The following CFAP77 variants were observed in gnomAD, a reference collection of about 807,000 sequenced individuals.
CFAP77 encodes the protein cilia- and flagella-associated protein 77.
CFAP77 carries 25 observed loss-of-function variants against 31.1 expected under a neutral mutation model. The ratio of observed to expected loss-of-function variants is 0.80; its 90% CI spans 0.59 to 1.12. The LOEUF (loss-of-function observed/expected upper bound fraction) is 1.12. CFAP77 is among the 50% of genes most tolerant of loss of function. The probability of loss-of-function intolerance (pLI) is 0.00; values close to 1 mark genes in which losing one functional copy is unlikely to be tolerated. For missense variants in CFAP77, 377 were observed against 397.3 expected, an observed-to-expected ratio of 0.95 and a Z score of 0.44; for synonymous variants, 151 against 159.9, an observed-to-expected ratio of 0.94 and a Z score of 0.42.
At chr9:132,461,152 G>A (rs1213380370) in intron 1 of CFAP77, among the ~76,000 whole-genome samples, 6 of 152,216 alleles carry the variant, frequency 3.9e-5, no homozygotes, top group Admixed American at 3.9e-4. Flanking sequence ...AGTGCTGAAT[G>A]AAGGTTGGCT....
intron 1 of CFAP77, among the ~76,000 whole-genome samples, chr9:132,468,101 G>A (rs760761877): frequency 3.0e-4 from 45 of 152,062 alleles, no homozygotes; most frequent in Middle Eastern, 3.2e-3. Context: ...TCAGCACTTT[G>A]GGAGGCCGAG....
rs1439436030 is a variant in CFAP77 at position 132,495,268 on chromosome 9, G to A, written c.196-3427G>A. ...AACCACACTAAAAAGCAGAGATTGAGGCACACACCTGCTCCTTGCTCCCTG... is the reference window on the plus strand; with the variant it reads ...AACCACACTAAAAAGCAGAGATTGAAGCACACACCTGCTCCTTGCTCCCTG... On this transcript the variant is annotated intron_variant, in intron 1 of 5. Transcript: ENST00000393216. This position sits in a 1 kb window ranked among gnomAD's most constrained non-coding sequence, Gnocchi z 4.2. 6.6e-6 allele frequency among the ~76,000 whole-genome samples: 1 copy of A among 152,112 alleles called. No individual in the cohort carries two copies. Among genetic ancestry groups the A allele is most frequent in the Non-Finnish European group, 1.5e-5 (1 of 68,020 alleles).
intron 1 of CFAP77, among the ~76,000 whole-genome samples, chr9:132,446,260 A>G (rs1033171984): frequency 6.6e-6 from 1 of 152,154 alleles, no homozygotes; most frequent in Non-Finnish European, 1.5e-5. Context: ...CGGTCGTGCC[A>G]GAGAGCAGGG....
rs537338263 is a variant in CFAP77 at position 132,442,118 on chromosome 9, C to T, written c.195+31652C>T. On this transcript the variant is annotated intron_variant, in intron 1 of 5. Coordinates refer to ENST00000393216, the MANE Select transcript of CFAP77 (RefSeq NM_001282957.2). ...CAGGCGGTAAGACAGACATAGCCCC[C>T]GCCCTCCCTTGGGAGTTTCCAAGAC... Among the ~76,000 whole-genome samples the T allele has an allele frequency of 1.5e-3, 223 of 152,246 alleles. 1 individual carries two copies. The highest frequency in any genetic ancestry group is 6.8e-3 in the Middle Eastern group (2 of 294).
At chr9:132,431,014 T>C (rs1850401855) in intron 1 of CFAP77, among the ~76,000 whole-genome samples, 1 of 152,154 alleles carries the variant, frequency 6.6e-6, no homozygotes, top group Non-Finnish European at 1.5e-5. Flanking sequence ...CAACCTGTGG[T>C]TGAAGAACCA....
At chr9:132,491,340 G>A (rs980384955) in intron 1 of CFAP77, among the ~76,000 whole-genome samples, 2 of 152,120 alleles carry the variant, frequency 1.3e-5, no homozygotes, top group Admixed American at 6.5e-5. Flanking sequence ...GGTGGTGCAC[G>A]CCTGTATTCC....
At chr9:132,532,045 T>G (rs1425328650) in intron 3 of CFAP77, among the ~76,000 whole-genome samples, 1 of 152,208 alleles carries the variant, frequency 6.6e-6, no homozygotes, top group African/African-American at 2.4e-5. Flanking sequence ...TAAATTAGGC[T>G]GCTCAGAAGC....
chr9:132,463,774 G>A (rs1315936922), intron 1 of CFAP77, among the ~76,000 whole-genome samples: 5 of 152,164 alleles, frequency 3.3e-5, no homozygotes, highest in African/African-American at 4.8e-5. Flanking sequence ...TGGAGGCAAC[G>A]GGGAGTCCAG....
At chr9:132,566,591 T>C (rs1291075504) in intron 5 of CFAP77, among the ~76,000 whole-genome samples, 1 of 151,682 alleles carries the variant, frequency 6.6e-6, no homozygotes, top group Non-Finnish European at 1.5e-5. Flanking sequence ...CAGACAACTG[T>C]TTTTTTGGTT....
At position 132,458,357 on chromosome 9, in the gene CFAP77, G is replaced by GGGGGGT. The variant is rs139008147; in HGVS notation, c.196-40337_196-40336insGGGGTG. Among the ~76,000 whole-genome samples the GGGGGGT allele has an allele frequency of 6.2e-3, 734 of 118,124 alleles. 7 individuals are homozygous for GGGGGGT. The highest frequency in any genetic ancestry group is 0.011 in the Admixed American group (114 of 10,090). 77.5% of individuals were successfully genotyped at this position (118,124 alleles called of 152,430 possible). The stretch of plus-strand genomic sequence containing the variant: ...GTCTCCCTGGCGGGGGAGGGGGGGG[G>GGGGGGT]GTGTGTATGGAAGGCTCAGCTCATC... On this transcript the variant is annotated intron_variant, in intron 1 of 5. Coordinates refer to ENST00000393216, the MANE Select transcript of CFAP77 (RefSeq NM_001282957.2).
At chr9:132,448,189 A>G (rs1309349518) in intron 1 of CFAP77, among the ~76,000 whole-genome samples, 1 of 152,104 alleles carries the variant, frequency 6.6e-6, no homozygotes, top group Admixed American at 6.6e-5. Context: ...ACACACACAC[A>G]CGCACACATG....
At chr9:132,506,960 A>AG (rs1288105558) in intron 3 of CFAP77, among the ~76,000 whole-genome samples, 1 of 152,186 alleles carries the variant, frequency 6.6e-6, no homozygotes, top group East Asian at 1.9e-4. Flanking sequence ...TGACACGGGC[A>AG]GGGACTCTGC....
chr9:132,474,109 T>C (rs902783648), intron 1 of CFAP77, among the ~76,000 whole-genome samples: 38 of 152,374 alleles, frequency 2.5e-4, no homozygotes, highest in African/African-American at 8.4e-4. Flanking sequence ...AACTGTTTTA[T>C]AGATTTTGGG....
chr9:132,529,273 C>T (rs1489765975), intron 3 of CFAP77, among the ~76,000 whole-genome samples: 61 of 123,182 alleles, frequency 5.0e-4, no homozygotes, highest in South Asian at 3.1e-4. Context: ...AACCAAACAC[C>T]GCATATTCTC....
intron 1 of CFAP77, among the ~76,000 whole-genome samples, chr9:132,493,857 CT>C (rs200971121): frequency 1.3e-5 from 2 of 150,280 alleles, no homozygotes; most frequent in Admixed American, 6.6e-5. Flanking sequence ...CTTTTCTTTT[CT>C]TTTCTCTTTT....
chr9:132,549,414 C>T (rs1852788894), intron 5 of CFAP77, among the ~76,000 whole-genome samples: 1 of 152,190 alleles, frequency 6.6e-6, no homozygotes, highest in Non-Finnish European at 1.5e-5. Context: ...GAATGTGTCA[C>T]ATGCGGAAAT....
intron 3 of CFAP77, among the ~76,000 whole-genome samples, chr9:132,514,171 G>C (rs1324445647): frequency 6.6e-6 from 1 of 151,976 alleles, no homozygotes; most frequent in Non-Finnish European, 1.5e-5. Flanking sequence ...ACAGTGAGGA[G>C]ACGCCCCTTC....
intron 1 of CFAP77, among the ~76,000 whole-genome samples, chr9:132,433,953 A>G (rs889607005): frequency 2.0e-5 from 3 of 149,042 alleles, no homozygotes; most frequent in Non-Finnish European, 4.4e-5. Context: ...CCTGGGCAAC[A>G]TAGGGAGACC....
chr9:132,518,355 C>A (rs1028840204), intron 3 of CFAP77, among the ~76,000 whole-genome samples: 1 of 152,186 alleles, frequency 6.6e-6, no homozygotes, highest in African/African-American at 2.4e-5. Context: ...ATCATTCAGA[C>A]CCGCCTTGGA....
Sources: gnomAD v4.1 joint callset for allele counts (sites outside exome capture counted in the v4.1 genomes callset) on GRCh38, gnomAD v4.1.1 for gene constraint, Gnocchi (gnomAD v3.1) non-coding constraint, MANE v1.5 for transcripts, NCBI Gene and HGNC (gene_info 2026-07-23, HGNC 2026-07-21) for gene names.